The following CCND3 variants were observed in gnomAD, a reference collection of about 807,000 sequenced individuals.
The protein encoded by CCND3 is G1/S-specific cyclin-D3.
In CCND3, 9 loss-of-function variants were observed where a neutral mutation model predicts 28.7. That is an observed-to-expected ratio of 0.31 (90% confidence interval 0.19 to 0.55). CCND3 has a LOEUF of 0.55. CCND3 is among the 20% of genes least tolerant of loss of function. The pLI, the probability that CCND3 is intolerant of heterozygous loss-of-function variation, is 0.93. For synonymous variants in CCND3, 164 were observed against 163.9 expected (o/e 1.00, Z 0.00); for missense variants, 315 against 385.8 (o/e 0.82, Z 1.54).
intron 1 of CCND3, among the ~76,000 whole-genome samples, chr6:41,995,661 G>A (rs1468355260): frequency 2.6e-5 from 4 of 152,126 alleles, no homozygotes; most frequent in African/African-American, 9.7e-5. Flanking sequence ...AGACTAGGAG[G>A]ACAATATGCT....
chr6:41,964,486 A>ATGTG (rs57170949), intron 1 of CCND3, among the ~76,000 whole-genome samples: 8 of 103,132 alleles, frequency 7.8e-5, no homozygotes, highest in Admixed American at 1.1e-4. Context: ...GTGTGTGTGA[A>ATGTG]TGTGTGTGTG....
chr6:41,941,607 C>G lies in CCND3; in HGVS notation c.43G>C (p.Ala15Pro), dbSNP rs993120161. 1 of 1,526,662 alleles carries G rather than the reference C, an allele frequency of 6.6e-7. No individual in the cohort carries two copies. The highest frequency in any genetic ancestry group is 2.1e-5 in the Admixed American group (1 of 47,694). The allele number at this position is 1,526,662 out of a possible 1,614,324, so 94.6% of individuals were successfully genotyped here. ...CCCAGCAGCCGCGGGTCCGGCCCGG[C>G]CCGGGGCGCGTGCCGGGTGCCTTCG... ...CCEGTRHAPR[A>P]GPDPRLLGDQ... The change falls in exon 1 of 5, where the codon GCC (alanine) becomes CCC (proline). Residue 15 changes from alanine to proline, a missense_variant. By Grantham distance (27) the Ala-to-Pro change is conservative. Transcript: ENST00000372991. This position sits in a 1 kb window ranked among gnomAD's most constrained non-coding sequence, Gnocchi z 6.1.
intron 1 of CCND3, among the ~76,000 whole-genome samples, chr6:41,955,028 T>C (rs571291832): frequency 1.3e-5 from 2 of 152,318 alleles, no homozygotes; most frequent in African/African-American, 4.8e-5. Context: ...ATTTTCCTTA[T>C]TGTTTAAGCT....
intron 1 of CCND3, among the ~76,000 whole-genome samples, chr6:42,037,751 G>A (rs1481663339): frequency 7.2e-5 from 11 of 152,036 alleles, no homozygotes; most frequent in Admixed American, 5.9e-4. Flanking sequence ...CAAAAGTTCT[G>A]GCCAGGCATA....
chr6:42,036,638 A>T (rs1290267633), intron 1 of CCND3, among the ~76,000 whole-genome samples: 8 of 151,144 alleles, frequency 5.3e-5, no homozygotes, highest in African/African-American at 1.9e-4. Context: ...TCCTGGGCTC[A>T]AGTTATCTGC....
chr6:42,010,954 T>C (rs1763328905), intron 1 of CCND3: 1 of 152,190 alleles, frequency 6.6e-6, no homozygotes. Context: ...TTAAGTTTCC[T>C]CTTGGTCTGT....
upstream of CCND3, among the ~76,000 whole-genome samples, chr6:41,943,614 G>A (rs1370277331): frequency 6.6e-6 from 1 of 152,088 alleles, no homozygotes; most frequent in African/African-American, 2.4e-5. Flanking sequence ...ATTATTTCTA[G>A]AAGTGAATTA....
At chr6:42,010,271 AG>A (rs1362124832) in intron 1 of CCND3, among the ~76,000 whole-genome samples, 1 of 152,136 alleles carries the variant, frequency 6.6e-6, no homozygotes, top group East Asian at 1.9e-4. Context: ...ACAGAAAGGG[AG>A]GGGGGCAGTG....
At chr6:41,964,596 A>C (rs1761832878) in intron 1 of CCND3, among the ~76,000 whole-genome samples, 1 of 152,116 alleles carries the variant, frequency 6.6e-6, no homozygotes, top group Non-Finnish European at 1.5e-5. Flanking sequence ...CTTGAGCTGC[A>C]TCCTGAGTGG....
At chr6:42,045,089 C>T (rs1425913438) in intron 1 of CCND3, among the ~76,000 whole-genome samples, 4 of 151,872 alleles carry the variant, frequency 2.6e-5, no homozygotes, top group Non-Finnish European at 1.5e-5. Context: ...CAGGCGTGAG[C>T]CACTGTGCCC....
chr6:41,956,903 C>T (rs1053718211), intron 1 of CCND3, among the ~76,000 whole-genome samples: 13 of 151,922 alleles, frequency 8.6e-5, no homozygotes, highest in African/African-American at 1.2e-4. Flanking sequence ...TGGTGGCAGG[C>T]GCCTGTATTC....
At chr6:41,990,660 ATTTTTTTTTTTTT>A (rs67939325) in intron 1 of CCND3, among the ~76,000 whole-genome samples, 2 of 121,276 alleles carry the variant, frequency 1.6e-5, no homozygotes, top group African/African-American at 3.2e-5. Context: ...TAACCAACTG[ATTTTTTTTTTTTT>A]TTTTTTTTTT....
intron 1 of CCND3, 198 bp from the exon 2 acceptor site, chr6:41,940,783 T>G: frequency 1.2e-6 from 1 of 838,736 alleles, no homozygotes; most frequent in Admixed American, 1.9e-5. Flanking sequence ...CGCGGCCTCC[T>G]CCCCTCTCCC....
chr6:41,988,909 C>T (rs975816810), intron 1 of CCND3, among the ~76,000 whole-genome samples: 1 of 151,328 alleles, frequency 6.6e-6, no homozygotes, highest in Non-Finnish European at 1.5e-5. Context: ...CTGTGTTAGC[C>T]AGGATGGTCT....
At chr6:41,949,247 T>A (rs1274253393) in intron 1 of CCND3, among the ~76,000 whole-genome samples, 2 of 151,542 alleles carry the variant, frequency 1.3e-5, no homozygotes, top group Non-Finnish European at 2.9e-5. Flanking sequence ...TTTGGGAGGC[T>A]GAGGTGAGTG....
chr6:42,023,434 G>T (rs1193300744), intron 1 of CCND3, among the ~76,000 whole-genome samples: 4 of 152,152 alleles, frequency 2.6e-5, no homozygotes, highest in African/African-American at 7.2e-5. Context: ...ATTCAATAAG[G>T]TGTCTTCAAA....
At chr6:41,957,934 C>G (rs1363998414) in intron 1 of CCND3, among the ~76,000 whole-genome samples, 1 of 151,900 alleles carries the variant, frequency 6.6e-6, no homozygotes, top group Non-Finnish European at 1.5e-5. Context: ...ATCCTCCTAC[C>G]TCGGCTTCCC....
chr6:41,977,597 C>G (rs1762219770), intron 1 of CCND3, among the ~76,000 whole-genome samples: 1 of 152,088 alleles, frequency 6.6e-6, no homozygotes, highest in Non-Finnish European at 1.5e-5. Context: ...AAACTACTGA[C>G]CTCAGGTGAT....
intron 1 of CCND3, among the ~76,000 whole-genome samples, chr6:41,977,883 C>T (rs1260502230): frequency 6.6e-6 from 1 of 152,060 alleles, no homozygotes; most frequent in African/African-American, 2.4e-5. Flanking sequence ...TGTGAAACCA[C>T]ATCTTTACTA....
Sources: allele counts gnomAD v4.1 joint callset (sites outside exome capture counted in the v4.1 genomes callset), GRCh38; gene constraint gnomAD v4.1.1; non-coding constraint Gnocchi (gnomAD v3.1); transcripts MANE v1.5; gene names NCBI Gene and HGNC (gene_info 2026-07-23, HGNC 2026-07-21).